Variants in ST6GALNAC6 observed in about 807,000 individuals in gnomAD.
ST6GALNAC6 encodes the protein alpha-N-acetylgalactosaminide alpha-2,6-sialyltransferase 6.
ST6GALNAC6 carries 19 observed loss-of-function variants against 34.3 expected under a neutral mutation model. The ratio of observed to expected loss-of-function variants is 0.55; its 90% confidence interval spans 0.39 to 0.81. ST6GALNAC6 has a LOEUF of 0.81. Among genes scored for constraint, ST6GALNAC6 ranks in the 40% least tolerant of loss-of-function variants. The pLI, the probability that ST6GALNAC6 is intolerant of heterozygous loss-of-function variation, is 0.00. For missense variants in ST6GALNAC6, 377 were observed against 467.7 expected (o/e 0.81, Z 1.79); for synonymous variants, 185 against 182.1 (o/e 1.02, Z -0.13).
At chr9:127,891,335 G>A (rs1027913005) in intron 4 of ST6GALNAC6, among the ~76,000 whole-genome samples, 2 of 152,184 alleles carry the variant, frequency 1.3e-5, no homozygotes, top group Non-Finnish European at 2.9e-5. Flanking sequence ...GTGGCAAATG[G>A]CTAAGCATTG....
rs1355455549 is a variant in ST6GALNAC6, at chr9:127,894,615, T to A, written c.194A>T (p.Asn65Ile). ...CAGGGAGCCGTAATGGAAGACCTCA[T>A]TGGCACTGTTGGAGCTGTAGAGGAT... is the stretch of plus-strand genomic sequence containing the variant. The part of the protein sequence containing the change: ...ILILYSSNSA[N>I]EVFHYGSLRG... The change falls in exon 4 of 7, where the codon AAT becomes ATT. Residue 65 changes from asparagine to isoleucine, a missense_variant. Asn to Ile is a moderately radical substitution (Grantham distance 149). Coordinates refer to ENST00000373146, the MANE Select transcript of ST6GALNAC6 (RefSeq NM_013443.5). 2 of 1,614,164 alleles carry A rather than the reference T, an allele frequency of 1.2e-6. No individual in the cohort carries two copies. The highest frequency in any genetic ancestry group is 1.7e-6 in the Non-Finnish European group (2 of 1,180,030).
rs1051520426 is a variant in ST6GALNAC6, at chr9:127,894,517, T to C, written c.292A>G (p.Asn98Asp). ...CCCCAAAGCAGCTGCGCTACCTTGT[T>C]GCCGAGAATGGGGACATAGCCGTCA... Reference protein sequence around the residue: ...ITDGYVPILGNKTLPSRCHQC... With the variant: ...ITDGYVPILGDKTLPSRCHQC... The change falls in exon 4 of 7, where the codon AAC becomes GAC. Residue 98 changes from asparagine (N) to aspartate (D), a missense_variant. Asn to Asp is a conservative substitution (Grantham distance 23). Coordinates refer to ENST00000373146, the MANE Select transcript of ST6GALNAC6 (RefSeq NM_013443.5). 1 of 1,613,746 alleles carries C rather than the reference T, an allele frequency of 6.2e-7. No homozygotes were observed. Among genetic ancestry groups the C allele is most frequent in the Non-Finnish European group, 8.5e-7 (1 of 1,179,986 alleles).
At chr9:127,899,479 T>C (rs190542748) in intron 1 of ST6GALNAC6, 24 bp downstream of exon 1, 961,023 of 964,164 alleles carry the variant, frequency 1, 479,001 homozygotes, top group South Asian at 1. Context: ...CCCCGCGGCC[T>C]GCTCCCGCGC....
intron 5 of ST6GALNAC6, among the ~76,000 whole-genome samples, chr9:127,889,344 C>T (rs1379134962): frequency 3.6e-5 from 1 of 27,980 alleles, no homozygotes; most frequent in African/African-American, 8.9e-5. Context: ...AAGACTCCCT[C>T]TCAAAAAAAA....
At chr9:127,898,280 C>T (rs1052595047) in intron 1 of ST6GALNAC6, among the ~76,000 whole-genome samples, 3 of 152,202 alleles carry the variant, frequency 2.0e-5, no homozygotes, top group Non-Finnish European at 4.4e-5. Context: ...GTTGTCCCAG[C>T]TACTCCGGAG....
At chr9:127,887,162 G>A (rs998435757) in intron 6 of ST6GALNAC6, among the ~76,000 whole-genome samples, 2 of 152,060 alleles carry the variant, frequency 1.3e-5, no homozygotes, top group African/African-American at 2.4e-5. Flanking sequence ...ATCCCGTAAG[G>A]TTGCTGTGAG....
intron 1 of ST6GALNAC6, 132 bp downstream of exon 1, chr9:127,899,370 TA>T: frequency 4.3e-6 from 2 of 465,376 alleles, no homozygotes; most frequent in Non-Finnish European, 5.7e-6. Context: ...GGAAGGGGTC[TA>T]GGGGTGCCGC....
Position 127,890,087 on chromosome 9 carries a change from G to A in ST6GALNAC6, c.704+550C>T, listed in dbSNP as rs932557175. 1.4e-4 allele frequency among the ~76,000 whole-genome samples: 21 copies of A among 152,066 alleles called. No homozygotes were observed. The highest frequency in any genetic ancestry group is 4.6e-4 in the African/African-American group (19 of 41,378). On this transcript the variant is annotated intron_variant, in intron 5 of 6. Coordinates refer to ENST00000373146, the MANE Select transcript of ST6GALNAC6 (RefSeq NM_013443.5). This position sits in a 1 kb window ranked among gnomAD's most constrained non-coding sequence, Gnocchi z 4.3. ...GCTAGGACTACAGGTACAAGCCACCGCACACAGCTATTCACTAATTTTAAA... is the reference window on the plus strand; with the variant it reads ...GCTAGGACTACAGGTACAAGCCACCACACACAGCTATTCACTAATTTTAAA...
At chr9:127,897,241 C>G in intron 2 of ST6GALNAC6, 2 of 985,890 alleles carry the variant, frequency 2.0e-6, no homozygotes, top group Non-Finnish European at 1.2e-6. Context: ...AGCCTACCTC[C>G]AGCAGACAGG....
chr9:127,898,072 T>C (rs1362334104), intron 1 of ST6GALNAC6, 62 bp from the exon 2 acceptor site: 4 of 878,844 alleles, frequency 4.6e-6, no homozygotes, highest in Non-Finnish European at 5.5e-6. Flanking sequence ...TTCAAGCAGA[T>C]GTGGCAAGGG....
upstream of ST6GALNAC6, among the ~76,000 whole-genome samples, chr9:127,906,248 A>C (rs1448643902): frequency 6.6e-6 from 1 of 152,124 alleles, no homozygotes; most frequent in Non-Finnish European, 1.5e-5. Context: ...CTTGCAAAAA[A>C]AAAACAAAAA....
intron 2 of ST6GALNAC6, chr9:127,897,403 A>T: frequency 1.0e-6 from 1 of 986,414 alleles, no homozygotes; most frequent in Non-Finnish European, 1.2e-6. Context: ...GCCACCAGGA[A>T]TAGCCAGAGA....
rs1325412864 is a variant in ST6GALNAC6, at chr9:127,897,958, G to C, written c.24C>G (p.Ser8Arg). 1 of 1,609,518 alleles carries C rather than the reference G, an allele frequency of 6.2e-7. No homozygotes were observed. The highest frequency in any genetic ancestry group is 1.7e-5 in the Admixed American group (1 of 59,756). ...CGAATCCCGGTTTCACCACTTACTG[G>C]CTGGGGGGCCTCGAGCAAGCCATGT... The part of the protein sequence containing the change: MACSRPP[S>R]QCEPTSLPPG... Residue 8 changes from serine (S) to arginine (R), a missense_variant and splice_region_variant, in exon 2 of 7, where the codon AGC (serine) becomes AGG (arginine). Transcript: ENST00000373146.
intron 3 of ST6GALNAC6, among the ~76,000 whole-genome samples, chr9:127,895,043 G>A (rs1177554533): frequency 6.6e-6 from 1 of 152,212 alleles, no homozygotes; most frequent in Non-Finnish European, 1.5e-5. Context: ...GCTGCTAAGA[G>A]GATGTCTAGA....
chr9:127,898,911 A>C (rs569431080), intron 1 of ST6GALNAC6, among the ~76,000 whole-genome samples: 284 of 152,270 alleles, frequency 1.9e-3, no homozygotes, highest in Middle Eastern at 6.8e-3. Flanking sequence ...GGGAGGCGGC[A>C]GCCCCGAGCG....
chr9:127,895,796 C>T (rs1462161887), intron 3 of ST6GALNAC6, among the ~76,000 whole-genome samples: 1 of 152,158 alleles, frequency 6.6e-6, no homozygotes, highest in Non-Finnish European at 1.5e-5. Flanking sequence ...CAGGGCCAGT[C>T]ATGTAGTAAG....
chr9:127,897,599 G>A (rs1007554027), intron 2 of ST6GALNAC6, among the ~76,000 whole-genome samples: 1 of 152,070 alleles, frequency 6.6e-6, no homozygotes, highest in Admixed American at 6.6e-5. Context: ...TCTAGTCCAG[G>A]CCCTGCGGTA....
chr9:127,905,538 C>A, upstream of ST6GALNAC6: 1 of 660,566 alleles, frequency 1.5e-6, no homozygotes, highest in Non-Finnish European at 1.9e-6. Context: ...GAGTTCAAAT[C>A]CCATCAGAAC....
intron 3 of ST6GALNAC6, among the ~76,000 whole-genome samples, chr9:127,894,936 C>A (rs1830362118): frequency 6.6e-6 from 1 of 152,186 alleles, no homozygotes; most frequent in Non-Finnish European, 1.5e-5. Flanking sequence ...CCTTGCTCCC[C>A]ACTGTATCCT....
Sources: gnomAD v4.1 joint callset for allele counts (sites outside exome capture counted in the v4.1 genomes callset) on GRCh38, gnomAD v4.1.1 for gene constraint, Gnocchi (gnomAD v3.1) non-coding constraint, MANE v1.5 for transcripts, NCBI Gene and HGNC (gene_info 2026-07-23, HGNC 2026-07-21) for gene names.